Variants in UNC5D observed in about 807,000 individuals in gnomAD.
UNC5D encodes the protein unc-5 netrin receptor D, also known as netrin receptor UNC5D.
UNC5D carries 39 observed loss-of-function variants against 105.4 expected under a neutral mutation model. The observed-to-expected ratio is 0.37, with a 90% CI of 0.29 to 0.48. The LOEUF (loss-of-function observed/expected upper bound fraction) is 0.48, where lower values mean the gene tolerates loss of function less well. Ranked by LOEUF, UNC5D falls within the 20% of genes least tolerant of loss-of-function variation. The pLI is 0.98. For synonymous variants in UNC5D, 452 were observed against 450.4 expected, an observed-to-expected ratio of 1.00 and a Z score of -0.04; for missense variants, 991 against 1,202.4, an observed-to-expected ratio of 0.82 and a Z score of 2.60.
intron 16 of UNC5D, among the ~76,000 whole-genome samples, chr8:35,785,493 G>A (rs1802702549): frequency 1.3e-5 from 2 of 152,068 alleles, no homozygotes; most frequent in Admixed American, 1.3e-4. Context: ...CCAAGTAGCT[G>A]GGAGTACAGG....
At chr8:35,245,195 A>G (rs1011578774) in intron 1 of UNC5D, among the ~76,000 whole-genome samples, 29 of 152,234 alleles carry the variant, frequency 1.9e-4, no homozygotes, top group African/African-American at 5.8e-4. Context: ...TTTGTGTTCG[A>G]AAGCAGTTTA....
intron 1 of UNC5D, among the ~76,000 whole-genome samples, chr8:35,489,108 G>A (rs1412763128): frequency 6.6e-6 from 1 of 151,776 alleles, no homozygotes; most frequent in Non-Finnish European, 1.5e-5. Flanking sequence ...CCAGGTTCAA[G>A]CAATTCTCTT....
chr8:35,333,641 G>A (rs746998730), intron 1 of UNC5D, among the ~76,000 whole-genome samples: 6 of 152,032 alleles, frequency 3.9e-5, no homozygotes, highest in African/African-American at 9.6e-5. Flanking sequence ...CCCCACGCCC[G>A]GCTAATTTTT....
At chr8:35,585,938 G>C (rs1017708679) in intron 3 of UNC5D, among the ~76,000 whole-genome samples, 6 of 151,986 alleles carry the variant, frequency 3.9e-5, no homozygotes, top group African/African-American at 1.4e-4. Flanking sequence ...TGAAAGGTGG[G>C]AACAGCCTAA....
At chr8:35,478,991 T>C (rs185910322) in intron 1 of UNC5D, among the ~76,000 whole-genome samples, 1 of 152,324 alleles carries the variant, frequency 6.6e-6, no homozygotes, top group Non-Finnish European at 1.5e-5. Flanking sequence ...GTTTTTGGAA[T>C]GAAAGACTTA....
In UNC5D at chr8:35,602,460, A is replaced by G. The variant is rs181648113; in HGVS notation, c.570+6803A>G. ...TTTTTTGGTTGGTAAGCTATTAATT[A>G]TTGCCTCAATTTCAGAGCCTGTTAT... On this transcript the variant is annotated intron_variant, in intron 4 of 16. Transcript: ENST00000404895. Among the ~76,000 whole-genome samples the G allele has an allele frequency of 6.2e-3, 941 of 152,278 alleles. 4 individuals are homozygous for G. The highest frequency in any genetic ancestry group is 0.022 in the African/African-American group (908 of 41,556).
chr8:35,744,802 C>T (rs548672951), intron 11 of UNC5D, among the ~76,000 whole-genome samples: 1 of 152,114 alleles, frequency 6.6e-6, no homozygotes, highest in African/African-American at 2.4e-5. Flanking sequence ...CCTATAATCC[C>T]AGCACTTTGA....
chr8:35,515,103 T>C (rs1813023827), intron 1 of UNC5D, among the ~76,000 whole-genome samples: 1 of 152,216 alleles, frequency 6.6e-6, no homozygotes, highest in African/African-American at 2.4e-5. Context: ...CACACTCACA[T>C]AGTTCTGAAC....
At chr8:35,575,245 C>T (rs1818009236) in intron 3 of UNC5D, among the ~76,000 whole-genome samples, 2 of 152,146 alleles carry the variant, frequency 1.3e-5, no homozygotes, top group African/African-American at 2.4e-5. Context: ...TTCTTGACTC[C>T]TTAGCCTAGT....
At chr8:35,548,779 A>G (rs1307157044) in intron 1 of UNC5D, among the ~76,000 whole-genome samples, 1 of 152,194 alleles carries the variant, frequency 6.6e-6, no homozygotes, top group African/African-American at 2.4e-5. Flanking sequence ...ATTGCCAGAC[A>G]ATCTCCACCA....
chr8:35,251,697 C>T (rs894548403), intron 1 of UNC5D, among the ~76,000 whole-genome samples: 3 of 152,212 alleles, frequency 2.0e-5, no homozygotes, highest in Middle Eastern at 3.4e-3. Context: ...AACATAGGGG[C>T]CCATAAATGG....
intron 4 of UNC5D, among the ~76,000 whole-genome samples, chr8:35,660,973 C>T (rs567814811): frequency 6.6e-6 from 1 of 152,146 alleles, no homozygotes; most frequent in South Asian, 2.1e-4. Flanking sequence ...TGGCTTGTGC[C>T]TACAGTCCCA....
intron 4 of UNC5D, among the ~76,000 whole-genome samples, chr8:35,624,445 A>T (rs1488160192): frequency 6.6e-6 from 1 of 152,184 alleles, no homozygotes; most frequent in Admixed American, 6.5e-5. Context: ...ACCTCTGATG[A>T]TTATTTTATA....
intron 1 of UNC5D, among the ~76,000 whole-genome samples, chr8:35,435,130 T>C (rs1000803048): frequency 1.3e-5 from 2 of 152,136 alleles, no homozygotes; most frequent in Non-Finnish European, 2.9e-5. Flanking sequence ...TTTTGTTTTT[T>C]ATGTGGGGTT....
intron 1 of UNC5D, among the ~76,000 whole-genome samples, chr8:35,443,597 T>G (rs1807576292): frequency 6.6e-6 from 1 of 151,904 alleles, no homozygotes. Flanking sequence ...TAGTTCTATT[T>G]CAGAAAGAGG....
intron 11 of UNC5D, among the ~76,000 whole-genome samples, chr8:35,739,847 CAG>C (rs1383413847): frequency 6.6e-6 from 1 of 152,198 alleles, no homozygotes; most frequent in African/African-American, 2.4e-5. Context: ...CCAGCCCACA[CAG>C]AGACAGCTCC....
intron 3 of UNC5D, among the ~76,000 whole-genome samples, chr8:35,585,921 C>T (rs995001802): frequency 4.1e-4 from 62 of 152,032 alleles, no homozygotes; most frequent in Non-Finnish European, 2.8e-4. Context: ...AACACAAAGA[C>T]ATGAAATGAA....
At chr8:35,269,663 T>C (rs1001036655) in intron 1 of UNC5D, among the ~76,000 whole-genome samples, 1 of 152,210 alleles carries the variant, frequency 6.6e-6, no homozygotes, top group African/African-American at 2.4e-5. Flanking sequence ...ACATATTCTC[T>C]TCCAGTTTCT....
At chr8:35,729,304 A>T (rs1218588884) in intron 10 of UNC5D, among the ~76,000 whole-genome samples, 4 of 152,202 alleles carry the variant, frequency 2.6e-5, no homozygotes, top group Admixed American at 2.6e-4. Flanking sequence ...ATGATGATCT[A>T]CAGAAGCTAA....
Sources: allele counts gnomAD v4.1 joint callset (sites outside exome capture counted in the v4.1 genomes callset), GRCh38; gene constraint gnomAD v4.1.1; transcripts MANE v1.5; gene names NCBI Gene and HGNC (gene_info 2026-07-23, HGNC 2026-07-21).